Variants in MYO16 observed in about 807,000 individuals in gnomAD.
MYO16 encodes the protein unconventional myosin-XVI.
A neutral mutation model predicts 205.3 loss-of-function variants in MYO16; 94 were observed. The observed-to-expected ratio is 0.46, with a 90% CI of 0.39 to 0.54. MYO16 has a LOEUF of 0.54. Among genes scored for constraint, MYO16 ranks in the 20% least tolerant of loss-of-function variants. MYO16 has a pLI of 0.00. For missense variants in MYO16, 2,315 were observed against 2,387.5 expected (o/e 0.97, Z 0.63); for synonymous variants, 988 against 954.0 (o/e 1.04, Z -0.66).
chr13:108,587,449 CA>C, the MYO16 span, among the ~76,000 whole-genome samples: 1 of 152,136 alleles, frequency 6.6e-6, no homozygotes, highest in Non-Finnish European at 1.5e-5. Flanking sequence ...GTTTCATCAT[CA>C]GGGGCCATAT....
rs558094066 is a variant in MYO16 at position 108,909,201 on chromosome 13, T to C, written c.1778-802T>C. On this transcript the variant is annotated intron_variant, in intron 15 of 34. Transcript: ENST00000457511. ...CAAAATTGAGGCTGTGATTACCATATTGCATCTTTTTGGCGTTGTTGATCA... is the reference window on the plus strand; with the variant it reads ...CAAAATTGAGGCTGTGATTACCATACTGCATCTTTTTGGCGTTGTTGATCA... Among the ~76,000 whole-genome samples the C allele has an allele frequency of 3.9e-5, 6 of 152,268 alleles. No individual in the cohort carries two copies. The South Asian group carries it at 1.0e-3, about 26-fold the overall frequency.
At chr13:109,016,150 C>T (rs1453234263) in intron 22 of MYO16, among the ~76,000 whole-genome samples, 1 of 152,164 alleles carries the variant, frequency 6.6e-6, no homozygotes, top group African/African-American at 2.4e-5. Context: ...CCCAGAGATT[C>T]TGGTATATTG....
intron 14 of MYO16, among the ~76,000 whole-genome samples, chr13:108,894,429 G>C (rs1464569382): frequency 6.6e-6 from 1 of 152,092 alleles, no homozygotes; most frequent in Non-Finnish European, 1.5e-5. Context: ...TGGAGTATGG[G>C]AAGCCAGAGA....
At chr13:109,027,323 C>T (rs934292923) in intron 23 of MYO16, among the ~76,000 whole-genome samples, 1 of 152,184 alleles carries the variant, frequency 6.6e-6, no homozygotes, top group African/African-American at 2.4e-5. Flanking sequence ...ATTTCATCTA[C>T]AAAGACCCTA....
intron 6 of MYO16, among the ~76,000 whole-genome samples, chr13:108,796,678 A>G (rs1301427573): frequency 6.6e-6 from 1 of 151,068 alleles, no homozygotes; most frequent in South Asian, 2.1e-4. Flanking sequence ...CAAAAAACTA[A>G]ACACCACATG....
chr13:108,808,913 C>A (rs1425296467), intron 7 of MYO16, among the ~76,000 whole-genome samples: 1 of 152,128 alleles, frequency 6.6e-6, no homozygotes, highest in Non-Finnish European at 1.5e-5. Flanking sequence ...CTAGAGAATC[C>A]TGTCCCTCAA....
the MYO16 span, among the ~76,000 whole-genome samples, chr13:108,541,114 G>C: frequency 3.1e-3 from 475 of 152,106 alleles, 1 homozygote; most frequent in Middle Eastern, 6.8e-3. Flanking sequence ...GTTACTGAAT[G>C]CTTATTACTC....
intron 23 of MYO16, among the ~76,000 whole-genome samples, chr13:109,023,709 A>ATGTATATATGTATATAT (rs1555325352): frequency 8.1e-6 from 1 of 124,144 alleles, no homozygotes; most frequent in East Asian, 2.3e-4. Context: ...ATATGTATAT[A>ATGTATATATGTATATAT]TACAAATATA....
At chr13:108,594,416 T>C (rs1035900441), upstream of MYO16, among the ~76,000 whole-genome samples, 2 of 151,474 alleles carry the variant, frequency 1.3e-5, no homozygotes, top group African/African-American at 2.4e-5. Flanking sequence ...TGGAGAGCAC[T>C]GGCACTCTTT....
the MYO16 span, among the ~76,000 whole-genome samples, chr13:108,521,020 C>T: frequency 6.6e-6 from 1 of 152,154 alleles, no homozygotes; most frequent in Non-Finnish European, 1.5e-5. Context: ...TCTTTCCCTC[C>T]TTTGCTCTTC....
intron 2 of MYO16, among the ~76,000 whole-genome samples, chr13:108,699,403 G>A (rs780202344): frequency 3.9e-5 from 6 of 151,984 alleles, no homozygotes; most frequent in Admixed American, 1.3e-4. Context: ...ATTTGTAAAA[G>A]TGAGTCATTT....
intron 1 of MYO16, among the ~76,000 whole-genome samples, chr13:108,599,289 C>A (rs1878675865): frequency 2.7e-5 from 4 of 148,104 alleles, no homozygotes; most frequent in African/African-American, 1.0e-4. Context: ...GTGAATAGTG[C>A]CGCAATAAAC....
chr13:108,641,601 T>A (rs1020709543), intron 1 of MYO16, among the ~76,000 whole-genome samples: 2 of 152,180 alleles, frequency 1.3e-5, no homozygotes, highest in Admixed American at 1.3e-4. Context: ...ATTCAAAGGT[T>A]AAATTATTTC....
chr13:109,192,541 C>A (rs1389972126), intron 34 of MYO16, among the ~76,000 whole-genome samples: 2 of 152,146 alleles, frequency 1.3e-5, no homozygotes, highest in Non-Finnish European at 2.9e-5. Context: ...AATCACAAAG[C>A]TAAACTATGT....
At chr13:108,651,409 C>T (rs1880997793) in intron 1 of MYO16, among the ~76,000 whole-genome samples, 1 of 152,174 alleles carries the variant, frequency 6.6e-6, no homozygotes, top group Non-Finnish European at 1.5e-5. Flanking sequence ...AAATCTATAT[C>T]CACTGAAAGC....
At chr13:108,694,447 G>C (rs1371656389) in intron 2 of MYO16, among the ~76,000 whole-genome samples, 4 of 152,044 alleles carry the variant, frequency 2.6e-5, no homozygotes, top group Non-Finnish European at 5.9e-5. Context: ...AACACTTAAT[G>C]TTCCTTTAAA....
chr13:108,817,424 G>A (rs1194712940), intron 7 of MYO16, among the ~76,000 whole-genome samples: 1 of 152,166 alleles, frequency 6.6e-6, no homozygotes, highest in Non-Finnish European at 1.5e-5. Context: ...ATACATTTCT[G>A]TGTTTTATTT....
intron 9 of MYO16, among the ~76,000 whole-genome samples, chr13:108,840,932 A>G (rs534926317): frequency 6.6e-6 from 1 of 152,352 alleles, no homozygotes; most frequent in South Asian, 2.1e-4. Flanking sequence ...GTTTTCATGC[A>G]TGACACAAGT....
intron 7 of MYO16, among the ~76,000 whole-genome samples, chr13:108,812,089 T>C (rs1258008025): frequency 6.6e-6 from 1 of 152,226 alleles, no homozygotes; most frequent in Non-Finnish European, 1.5e-5. Flanking sequence ...CCACCACATA[T>C]AGCCTATTCT....
Sources: allele counts gnomAD v4.1 joint callset (sites outside exome capture counted in the v4.1 genomes callset), GRCh38; gene constraint gnomAD v4.1.1; transcripts MANE v1.5; gene names NCBI Gene and HGNC (gene_info 2026-07-23, HGNC 2026-07-21).